The following RIGI variants were observed in gnomAD, a reference collection of about 807,000 sequenced individuals.
RIGI encodes the protein RNA sensor RIG-I, also known as antiviral innate immune response receptor RIG-I.
At chr9:32,506,546 T>C in the RIGI span, among the ~76,000 whole-genome samples, 1 of 152,244 alleles carries the variant, frequency 6.6e-6, no homozygotes, top group African/African-American at 2.4e-5. Context: ...AGGTCATTCA[T>C]ATTTTTTTCT....
the RIGI span, chr9:32,485,445 A>T: frequency 1.5e-6 from 1 of 654,088 alleles, no homozygotes. Flanking sequence ...CAGATGATAC[A>T]ACAAATGCTC....
At chr9:32,489,856 T>A in the RIGI span, among the ~76,000 whole-genome samples, 1 of 152,192 alleles carries the variant, frequency 6.6e-6, no homozygotes, top group African/African-American at 2.4e-5. Flanking sequence ...CAATTTCTTA[T>A]TAAGGAGCAA....
chr9:32,459,541 GTAATT>G, the RIGI span: 8 of 1,596,642 alleles, frequency 5.0e-6, no homozygotes, highest in Non-Finnish European at 6.8e-6. Flanking sequence ...GACCGCAAAT[GTAATT>G]TGAGTACAAC....
chr9:32,498,414 C>CAAGT, the RIGI span: 1 of 452,470 alleles, frequency 2.2e-6, no homozygotes, highest in Non-Finnish European at 4.5e-6. Context: ...CCCCACCCTC[C>CAAGT]AAGTGCCTGT....
At chr9:32,499,214 T>C in the RIGI span, among the ~76,000 whole-genome samples, 2 of 141,164 alleles carry the variant, frequency 1.4e-5, no homozygotes, top group Non-Finnish European at 3.1e-5. Context: ...ATGTTTTCTT[T>C]CTTTTTCCAG....
the RIGI span, chr9:32,487,953 G>A: frequency 1.2e-6 from 2 of 1,613,934 alleles, no homozygotes; most frequent in Non-Finnish European, 1.7e-6. Context: ...ACCTGGGGCA[G>A]TGGGCCTGAA....
At chr9:32,525,191 C>T in the RIGI span, among the ~76,000 whole-genome samples, 2 of 152,144 alleles carry the variant, frequency 1.3e-5, no homozygotes, top group African/African-American at 4.8e-5. Flanking sequence ...GGCCCTTGTC[C>T]ACTAGAGGCA....
the RIGI span, among the ~76,000 whole-genome samples, chr9:32,477,880 T>C: frequency 5.3e-5 from 8 of 151,658 alleles, no homozygotes; most frequent in South Asian, 8.3e-4. Context: ...AGCCAAGATC[T>C]CACCACTGCA....
At chr9:32,460,006 G>A in the RIGI span, among the ~76,000 whole-genome samples, 5 of 152,110 alleles carry the variant, frequency 3.3e-5, no homozygotes, top group Admixed American at 6.5e-5. Context: ...GAATTCCCAC[G>A]TGTTATGGGA....
the RIGI span, chr9:32,487,829 G>A: frequency 1.5e-6 from 2 of 1,350,926 alleles, no homozygotes; most frequent in Non-Finnish European, 2.0e-6. Context: ...ATAATGAGTT[G>A]TACAATATGG....
the RIGI span, among the ~76,000 whole-genome samples, chr9:32,462,081 G>T: frequency 1.3e-5 from 2 of 152,040 alleles, no homozygotes; most frequent in South Asian, 2.1e-4. Flanking sequence ...AAACAGATGG[G>T]TTCTACCAAC....
At chr9:32,461,983 T>A in the RIGI span, among the ~76,000 whole-genome samples, 1 of 152,148 alleles carries the variant, frequency 6.6e-6, no homozygotes, top group Non-Finnish European at 1.5e-5. Flanking sequence ...TGGCATTTCT[T>A]TTATCTTAAT....
At chr9:32,476,500 G>A in the RIGI span, among the ~76,000 whole-genome samples, 520 of 151,368 alleles carry the variant, frequency 3.4e-3, 19 homozygotes, top group East Asian at 0.084. Flanking sequence ...GTGAGACCCC[G>A]TCTCTAAGTG....
At chr9:32,489,487 C>T in the RIGI span, 2 of 1,407,212 alleles carry the variant, frequency 1.4e-6, no homozygotes, top group African/African-American at 2.8e-5. Context: ...CCAAACAGTT[C>T]CTGCTCTGAG....
chr9:32,481,510 A>G, the RIGI span: 1 of 1,548,514 alleles, frequency 6.5e-7, no homozygotes, highest in Non-Finnish European at 8.7e-7. Flanking sequence ...GTTAAAAAAA[A>G]AAAAAAAAGT....
the RIGI span, among the ~76,000 whole-genome samples, chr9:32,462,857 A>G: frequency 2.3e-4 from 35 of 152,278 alleles, 1 homozygote; most frequent in Admixed American, 2.3e-3. Context: ...GTTTTGATTT[A>G]AAAAAACAAA....
the RIGI span, chr9:32,459,591 T>C: frequency 7.4e-7 from 1 of 1,355,090 alleles, no homozygotes; most frequent in Non-Finnish European, 1.0e-6. Context: ...ATACGTACAA[T>C]ACATATACAT....
the RIGI span, among the ~76,000 whole-genome samples, chr9:32,509,432 C>T: frequency 6.6e-6 from 1 of 152,206 alleles, no homozygotes; most frequent in Non-Finnish European, 1.5e-5. Flanking sequence ...TGTTCTGCAG[C>T]CTCCACTGGT....
the RIGI span, chr9:32,459,415 A>T: frequency 2.5e-6 from 4 of 1,613,744 alleles, no homozygotes; most frequent in Non-Finnish European, 3.4e-6. Context: ...AAGGCTTTGC[A>T]CTTTCTGCAG....
Sources: allele counts gnomAD v4.1 joint callset (sites outside exome capture counted in the v4.1 genomes callset), GRCh38; gene constraint gnomAD v4.1.1; transcripts MANE v1.5; gene names NCBI Gene and HGNC (gene_info 2026-07-23, HGNC 2026-07-21).